The following SDK1 variants were observed in gnomAD, a reference collection of about 807,000 sequenced individuals.
The protein encoded by SDK1 is protein sidekick-1.
SDK1 carries 157 observed loss-of-function variants against 245.5 expected under a neutral mutation model. The ratio of observed to expected loss-of-function variants is 0.64; its 90% confidence interval spans 0.56 to 0.73. The LOEUF (loss-of-function observed/expected upper bound fraction) is 0.73, where lower values mean the gene tolerates loss of function less well. SDK1 is among the 30% of genes least tolerant of loss of function. SDK1 has a pLI of 0.00. For synonymous variants in SDK1, 1,647 were observed against 1,278.5 expected (o/e 1.29, Z -6.15); for missense variants, 3,583 against 3,002.3 (o/e 1.19, Z -4.52).
chr7:3,397,469 A>G (rs1037843439), intron 1 of SDK1, among the ~76,000 whole-genome samples: 2 of 133,724 alleles, frequency 1.5e-5, no homozygotes, highest in Non-Finnish European at 3.0e-5. Context: ...TTTGGTTCGT[A>G]GTCTTTTCTT....
intron 42 of SDK1, among the ~76,000 whole-genome samples, chr7:4,238,562 C>CTT (rs58934751): frequency 0.036 from 5,240 of 144,822 alleles, 309 homozygotes; most frequent in African/African-American, 0.12. Flanking sequence ...GATCCTGTCT[C>CTT]TTTTTTTTTT....
chr7:4,029,228 T>TTTTTTTTTGTGTA (rs746967075), intron 17 of SDK1, among the ~76,000 whole-genome samples: 1 of 112,088 alleles, frequency 8.9e-6, no homozygotes, highest in African/African-American at 5.0e-5. Context: ...TTTTTTTTTT[T>TTTTTTTTTGTGTA]TGTGAAGAAG....
chr7:3,539,992 T>C (rs1444577031), intron 1 of SDK1, among the ~76,000 whole-genome samples: 2 of 152,188 alleles, frequency 1.3e-5, no homozygotes, highest in Non-Finnish European at 2.9e-5. Context: ...AAACTCTGGA[T>C]GGTAGTGTGA....
chr7:3,353,872 T>A (rs1583729788), intron 1 of SDK1, among the ~76,000 whole-genome samples: 1 of 135,336 alleles, frequency 7.4e-6, no homozygotes, highest in East Asian at 2.1e-4. Context: ...ATGCTTTCTG[T>A]ACGTCTTCAC....
intron 13 of SDK1, among the ~76,000 whole-genome samples, chr7:3,980,751 G>A (rs2128136689): frequency 6.6e-6 from 1 of 152,286 alleles, no homozygotes; most frequent in South Asian, 2.1e-4. Flanking sequence ...AGACCAGCCT[G>A]GCCAAGATGG....
intron 1 of SDK1, among the ~76,000 whole-genome samples, chr7:3,611,809 G>GA (rs1435574816): frequency 6.6e-6 from 1 of 151,784 alleles, no homozygotes; most frequent in Non-Finnish European, 1.5e-5. Flanking sequence ...TGGCCATAAT[G>GA]AAAAAATCAA....
chr7:4,214,260 A>G (rs1393814667), intron 38 of SDK1, among the ~76,000 whole-genome samples: 1 of 152,186 alleles, frequency 6.6e-6, no homozygotes, highest in African/African-American at 2.4e-5. Flanking sequence ...AACTTCAGAG[A>G]TGGGGCTTGA....
At chr7:3,591,010 A>G (rs926183943) in intron 1 of SDK1, among the ~76,000 whole-genome samples, 2 of 152,062 alleles carry the variant, frequency 1.3e-5, no homozygotes, top group East Asian at 1.9e-4. Flanking sequence ...AGAGCATTTT[A>G]AAAAACTCCC....
At chr7:3,438,471 T>A (rs1049947786) in intron 1 of SDK1, among the ~76,000 whole-genome samples, 1 of 152,212 alleles carries the variant, frequency 6.6e-6, no homozygotes, top group Non-Finnish European at 1.5e-5. Context: ...TATTTCTGTC[T>A]TATCTGTGCT....
At chr7:4,003,099 C>T (rs1342542783) in intron 14 of SDK1, among the ~76,000 whole-genome samples, 1 of 152,244 alleles carries the variant, frequency 6.6e-6, no homozygotes, top group Non-Finnish European at 1.5e-5. Flanking sequence ...GGAGGAATCC[C>T]AGTGGCTTTA....
intron 1 of SDK1, among the ~76,000 whole-genome samples, chr7:3,440,622 A>G (rs983561361): frequency 6.6e-6 from 1 of 152,186 alleles, no homozygotes; most frequent in Non-Finnish European, 1.5e-5. Context: ...GGCAATTAGG[A>G]TGTGCCAGAG....
chr7:3,862,509 T>C (rs1780718532), intron 5 of SDK1, among the ~76,000 whole-genome samples: 1 of 152,258 alleles, frequency 6.6e-6, no homozygotes, highest in South Asian at 2.1e-4. Context: ...TGTCAGACTT[T>C]AATGTTTATG....
intron 32 of SDK1, among the ~76,000 whole-genome samples, chr7:4,169,398 C>G (rs1010558921): frequency 6.6e-6 from 1 of 152,204 alleles, no homozygotes; most frequent in African/African-American, 2.4e-5. Context: ...CTTCATGCCC[C>G]TCGCTCCCGT....
intron 4 of SDK1, among the ~76,000 whole-genome samples, chr7:3,728,929 C>G (rs1405590351): frequency 6.6e-6 from 1 of 151,880 alleles, no homozygotes; most frequent in East Asian, 1.9e-4. Flanking sequence ...AGAGACCTAT[C>G]TCTCTAAAAA....
intron 5 of SDK1, among the ~76,000 whole-genome samples, chr7:3,898,651 T>C (rs1781682746): frequency 6.6e-6 from 1 of 152,206 alleles, no homozygotes; most frequent in African/African-American, 2.4e-5. Flanking sequence ...TTCTCACTGA[T>C]GAAAATGAGT....
intron 5 of SDK1, among the ~76,000 whole-genome samples, chr7:3,897,632 G>A (rs575950624): frequency 6.6e-6 from 1 of 152,104 alleles, no homozygotes; most frequent in Non-Finnish European, 1.5e-5. Flanking sequence ...CCTTGTGGCT[G>A]TTATGAACAG....
chr7:3,972,415 G>C (rs1782561173), intron 12 of SDK1, among the ~76,000 whole-genome samples: 1 of 152,124 alleles, frequency 6.6e-6, no homozygotes, highest in Non-Finnish European at 1.5e-5. Flanking sequence ...TCCTGTCTTT[G>C]TTTAAATTCG....
intron 35 of SDK1, among the ~76,000 whole-genome samples, chr7:4,199,686 A>G (rs78045250): frequency 2.0e-5 from 3 of 151,898 alleles, no homozygotes; most frequent in East Asian, 1.9e-4. Context: ...CCCTGGGGCT[A>G]TGGAAGGAGA....
At chr7:3,322,972 G>A (rs1331856346) in intron 1 of SDK1, among the ~76,000 whole-genome samples, 1 of 152,016 alleles carries the variant, frequency 6.6e-6, no homozygotes, top group Non-Finnish European at 1.5e-5. Context: ...GCCACACCTG[G>A]CTCATTTTTG....
Sources: allele counts gnomAD v4.1 joint callset (sites outside exome capture counted in the v4.1 genomes callset), GRCh38; gene constraint gnomAD v4.1.1; transcripts MANE v1.5; gene names NCBI Gene and HGNC (gene_info 2026-07-23, HGNC 2026-07-21).